The following WDFY4 variants were observed in gnomAD, a reference collection of about 807,000 sequenced individuals.
WDFY4 encodes the protein WDFY family member 4, also known as WD repeat- and FYVE domain-containing protein 4.
WDFY4 carries 169 observed loss-of-function variants against 351.9 expected under a neutral mutation model. The observed-to-expected ratio is 0.48, with a 90% CI of 0.42 to 0.55. The LOEUF (loss-of-function observed/expected upper bound fraction) is 0.55, where lower values mean the gene tolerates loss of function less well. Among genes scored for constraint, WDFY4 ranks in the 20% least tolerant of loss-of-function variants. The pLI is 0.00. For synonymous variants in WDFY4, 1,622 were observed against 1,574.6 expected, an observed-to-expected ratio of 1.03 and a Z score of -0.71; for missense variants, 3,803 against 3,935.6, an observed-to-expected ratio of 0.97 and a Z score of 0.90.
chr10:48,839,968 A>C (rs922981093), intron 39 of WDFY4, among the ~76,000 whole-genome samples: 1 of 152,190 alleles, frequency 6.6e-6, no homozygotes, highest in Non-Finnish European at 1.5e-5. Context: ...TCCTGAGATA[A>C]CTGACCCTAA....
chr10:48,756,289 A>G (rs1717074436), intron 12 of WDFY4, among the ~76,000 whole-genome samples: 1 of 152,018 alleles, frequency 6.6e-6, no homozygotes, highest in Non-Finnish European at 1.5e-5. Context: ...TCCAAAGGGT[A>G]TTTAAAATTT....
In WDFY4 at chr10:48,729,475, G is replaced by A. The variant is rs1240559764; in HGVS notation, c.1015G>A (p.Glu339Lys). The change falls in exon 8 of 62, where the codon GAG (glutamate) becomes AAG (lysine). Residue 339 changes from glutamate to lysine, a missense_variant. This residue lies in a region of WDFY4 where 488 missense variants were observed against 456.8 expected (regional missense o/e 1.07). Coordinates refer to ENST00000325239, the MANE Select transcript of WDFY4 (RefSeq NM_001394531.1). Reference protein sequence around the residue: ...TQSEVDPHLEELLGLVVWLTT... With the variant: ...TQSEVDPHLEKLLGLVVWLTT... ...GAGCGAAGTGGACCCGCATCTGGAG[G>A]AGCTCCTTGGGCTGGTGGTGTGGCT... is the stretch of plus-strand genomic sequence containing the variant. 1 of 1,551,642 alleles carries A rather than the reference G, an allele frequency of 6.4e-7. No individual in the cohort carries two copies. Among genetic ancestry groups the A allele is most frequent in the Non-Finnish European group, 8.7e-7 (1 of 1,146,992 alleles).
chr10:48,796,496 G>T, intron 24 of WDFY4, 46 bp downstream of exon 24: 1 of 1,531,222 alleles, frequency 6.5e-7, no homozygotes. Flanking sequence ...GTGTGTGATG[G>T]TAAATATGCT....
At chr10:48,897,663 C>G (rs1837153167) in intron 45 of WDFY4, 89 bp downstream of exon 45, 2 of 1,486,370 alleles carry the variant, frequency 1.3e-6, no homozygotes, top group Non-Finnish European at 1.8e-6. Context: ...AGACACACCT[C>G]TGTGACTCTT....
chr10:48,848,630 C>T (rs1030662046), intron 39 of WDFY4, among the ~76,000 whole-genome samples: 3 of 152,138 alleles, frequency 2.0e-5, no homozygotes, highest in African/African-American at 7.2e-5. Flanking sequence ...CTGTGAGGTT[C>T]TTTTCAGTCC....
In WDFY4 at chr10:48,790,746, C is replaced by T. The variant is rs773002795; in HGVS notation, c.4086C>T (p.Ser1362=). 77 of 1,551,676 alleles carry T rather than the reference C, an allele frequency of 5.0e-5. No individual in the cohort carries two copies. Among genetic ancestry groups the T allele is most frequent in the Non-Finnish European group, 6.5e-5 (75 of 1,146,998 alleles). Residue 1362 remains serine (S), a synonymous_variant, in exon 23 of 62, where the codon TCC becomes TCT. Transcript: ENST00000325239. ...VGQLGVRVFH[S]SPAASSLDFI... ...ACACAGGGGTGAGGGTATTCCACTC[C>T]AGCCCTGCTGCCAGCAGCCTGGACT...
intron 35 of WDFY4, chr10:48,824,231 C>T (rs1050502261): frequency 1.0e-6 from 1 of 973,168 alleles, no homozygotes; most frequent in African/African-American, 1.8e-5. Flanking sequence ...CCTTGCTGAA[C>T]CACCCAGCCT....
chr10:48,741,073 G>A (rs914256000), intron 11 of WDFY4, among the ~76,000 whole-genome samples: 3 of 152,008 alleles, frequency 2.0e-5, no homozygotes, highest in African/African-American at 7.2e-5. Flanking sequence ...CATAGATGGG[G>A]CCCTGGAAGC....
At chr10:48,703,266 C>T (rs1294464718) in intron 1 of WDFY4, among the ~76,000 whole-genome samples, 2 of 152,174 alleles carry the variant, frequency 1.3e-5, no homozygotes, top group African/African-American at 4.8e-5. Flanking sequence ...GGCTGACAAG[C>T]AGTGAGGCAC....
At chr10:48,884,654 T>C (rs2070385494) in intron 43 of WDFY4, among the ~76,000 whole-genome samples, 1 of 152,212 alleles carries the variant, frequency 6.6e-6, no homozygotes, top group East Asian at 1.9e-4. Flanking sequence ...TTTTTAATTA[T>C]ACAGAACTAC....
chr10:48,785,035 G>T (rs2066358356), intron 19 of WDFY4, among the ~76,000 whole-genome samples: 1 of 145,466 alleles, frequency 6.9e-6, no homozygotes, highest in Non-Finnish European at 1.5e-5. Context: ...TGTTTGTTGT[G>T]TTTTTTAGTA....
At chr10:48,939,516 G>A (rs2671716) in intron 47 of WDFY4, among the ~76,000 whole-genome samples, 141,989 of 152,276 alleles carry the variant, frequency 0.93, 66,485 homozygotes, top group East Asian at 1. Flanking sequence ...TGCCTCCCAC[G>A]GATCTCAGGA....
intron 47 of WDFY4, chr10:48,913,737 A>G (rs765631921): frequency 6.2e-7 from 1 of 1,613,480 alleles, no homozygotes; most frequent in Non-Finnish European, 8.5e-7. Context: ...CAGGGCCCCC[A>G]GTGTGGTGGG....
chr10:48,946,050 T>C lies in WDFY4; in HGVS notation c.7760T>C (p.Leu2587Ser). The C allele has an allele frequency of 6.5e-7, 1 of 1,544,796 alleles. No individual in the cohort carries two copies. Among genetic ancestry groups the C allele is most frequent in the Non-Finnish European group, 8.7e-7 (1 of 1,145,088 alleles). Reference protein sequence around the residue: ...LADYTSETLNLANPKIFRDLS... With the variant: ...LADYTSETLNSANPKIFRDLS... ...ACATCTGCCTTCTAGACATTGAACT[T>C]GGCAAATCCGAAGATTTTCCGGGAT... Residue 2587 changes from leucine to serine, a missense_variant, in exon 50 of 62, where the codon TTG becomes TCG. By Grantham distance (145) the Leu-to-Ser change is moderately radical. Coordinates refer to ENST00000325239, the MANE Select transcript of WDFY4 (RefSeq NM_001394531.1).
In WDFY4 at chr10:48,877,119, G is replaced by T; in HGVS notation, c.7087G>T (p.Glu2363Ter). Residue 2363 changes from glutamate to a stop codon, truncating the protein, a stop_gained, in exon 43 of 62, where the codon GAA (glutamate) becomes TAA (stop). Transcript: ENST00000325239. LOFTEE classifies it high-confidence loss of function. The stretch of plus-strand genomic sequence containing the variant: ...GCTGACCTTCTTCCCAGCCTTACAC[G>T]AAAGTCTGCACTCAGAAGACTTCTT... ...TQLTFFPALH[E>*]SLHSEDFLEL... is the part of the protein sequence containing the mutation. 1 of 1,550,174 alleles carries T rather than the reference G, an allele frequency of 6.5e-7. No individual in the cohort carries two copies. The highest frequency in any genetic ancestry group is 8.7e-7 in the Non-Finnish European group (1 of 1,146,390).
intron 39 of WDFY4, among the ~76,000 whole-genome samples, chr10:48,863,386 C>T (rs2069413159): frequency 2.0e-5 from 3 of 152,116 alleles, no homozygotes; most frequent in Admixed American, 2.0e-4. Context: ...TCTAACCATC[C>T]TACTTGGTTG....
intron 3 of WDFY4, 114 bp from the exon 4 acceptor site, chr10:48,721,147 G>A: frequency 1.0e-6 from 1 of 999,348 alleles, no homozygotes; most frequent in South Asian, 1.5e-5. Flanking sequence ...TAGGCAAGAT[G>A]CCAAAGTCCT....
At chr10:48,923,839 A>G (rs1157788932) in intron 47 of WDFY4, among the ~76,000 whole-genome samples, 2 of 152,154 alleles carry the variant, frequency 1.3e-5, no homozygotes, top group Admixed American at 6.5e-5. Context: ...AATTCAGCTC[A>G]GGGAGGCCAA....
chr10:48,913,344 C>G, intron 47 of WDFY4: 4 of 1,564,564 alleles, frequency 2.6e-6, no homozygotes, highest in Non-Finnish European at 3.5e-6. Flanking sequence ...CTGCCCTCTT[C>G]CCTCCCTCTC....
Sources: allele counts gnomAD v4.1 joint callset (sites outside exome capture counted in the v4.1 genomes callset), GRCh38; gene constraint gnomAD v4.1.1; regional missense constraint gnomAD v4.1.1; transcripts MANE v1.5; gene names NCBI Gene and HGNC (gene_info 2026-07-23, HGNC 2026-07-21).